The following HSF2BP variants were observed in gnomAD, a reference collection of about 807,000 sequenced individuals.
HSF2BP encodes the protein heat shock factor 2-binding protein.
A neutral mutation model predicts 35.0 loss-of-function variants in HSF2BP; 35 were observed. That is an observed-to-expected ratio of 1.00 (90% CI 0.76 to 1.32). The LOEUF (loss-of-function observed/expected upper bound fraction) is 1.32. Among genes scored for constraint, HSF2BP ranks in the 40% most tolerant of loss-of-function variants. HSF2BP has a pLI of 0.00. For synonymous variants in HSF2BP, 114 were observed against 117.4 expected (o/e 0.97, Z 0.18); for missense variants, 326 against 321.7 (o/e 1.01, Z -0.10).
At chr21:43,573,969 A>G (rs2081608230) in intron 8 of HSF2BP, among the ~76,000 whole-genome samples, 1 of 152,208 alleles carries the variant, frequency 6.6e-6, no homozygotes, top group African/African-American at 2.4e-5. Flanking sequence ...AGAGCATCCC[A>G]GTCACTAGTG....
intron 6 of HSF2BP, among the ~76,000 whole-genome samples, chr21:43,615,312 C>G (rs2082257185): frequency 2.6e-5 from 4 of 152,056 alleles, no homozygotes; most frequent in African/African-American, 9.7e-5. Context: ...TGGTAGATAC[C>G]CTTTATCAGT....
At chr21:43,616,052 A>AATATAT (rs1555868378) in intron 6 of HSF2BP, among the ~76,000 whole-genome samples, 98 of 144,006 alleles carry the variant, frequency 6.8e-4, no homozygotes, top group African/African-American at 2.4e-3. Context: ...AAAAAAAAAA[A>AATATAT]ATATATATAT....
intron 6 of HSF2BP, among the ~76,000 whole-genome samples, chr21:43,623,386 T>C (rs2082353213): frequency 6.6e-6 from 1 of 151,956 alleles, no homozygotes; most frequent in Non-Finnish European, 1.5e-5. Context: ...AACAATCTAA[T>C]GATGCACCAA....
At chr21:43,583,788 GGAGATGAGGACCTGCTGAGA>G (rs2081802500) in intron 8 of HSF2BP, among the ~76,000 whole-genome samples, 1 of 142,374 alleles carries the variant, frequency 7.0e-6, no homozygotes, top group Non-Finnish European at 1.5e-5. Context: ...GCCTGCTGAG[GGAGATGAGGACCTGCTGAGA>G]GAGATGAAGG....
chr21:43,611,668 A>G (rs762565963), intron 7 of HSF2BP, among the ~76,000 whole-genome samples: 25 of 152,202 alleles, frequency 1.6e-4, no homozygotes, highest in Non-Finnish European at 2.9e-4. Flanking sequence ...GCAACCAAGC[A>G]CGGTAGCAGT....
chr21:43,617,858 G>A (rs968723468), intron 6 of HSF2BP, among the ~76,000 whole-genome samples: 1 of 152,088 alleles, frequency 6.6e-6, no homozygotes, highest in African/African-American at 2.4e-5. Flanking sequence ...AGAGGCTGAG[G>A]CAGAAGAATC....
intron 8 of HSF2BP, among the ~76,000 whole-genome samples, chr21:43,591,999 T>C (rs1454801011): frequency 1.3e-5 from 2 of 152,208 alleles, no homozygotes; most frequent in Non-Finnish European, 2.9e-5. Flanking sequence ...CTTATTATTA[T>C]AATTGTTCTA....
At chr21:43,603,376 G>A (rs778022633) in intron 7 of HSF2BP, among the ~76,000 whole-genome samples, 23 of 152,210 alleles carry the variant, frequency 1.5e-4, no homozygotes, top group Non-Finnish European at 2.2e-4. Context: ...ATGGACTGAG[G>A]TGGTGACGAA....
chr21:43,625,188 T>C (rs1225243500), intron 6 of HSF2BP, among the ~76,000 whole-genome samples: 1 of 152,044 alleles, frequency 6.6e-6, no homozygotes. Context: ...GGAGAGATAA[T>C]TTACCAAAAT....
intron 6 of HSF2BP, among the ~76,000 whole-genome samples, chr21:43,616,034 C>T (rs1418564979): frequency 1.9e-5 from 2 of 103,122 alleles, no homozygotes; most frequent in Non-Finnish European, 3.9e-5. Context: ...ACTAATACAT[C>T]GCTGAAGAAA....
intron 4 of HSF2BP, among the ~76,000 whole-genome samples, chr21:43,639,847 G>A (rs2082612569): frequency 6.6e-6 from 1 of 152,024 alleles, no homozygotes; most frequent in African/African-American, 2.4e-5. Flanking sequence ...TGTTACTAGT[G>A]TCTTTATCAG....
At chr21:43,651,596 T>C (rs1165923575) in intron 3 of HSF2BP, among the ~76,000 whole-genome samples, 1 of 152,210 alleles carries the variant, frequency 6.6e-6, no homozygotes, top group Non-Finnish European at 1.5e-5. Flanking sequence ...TAATTTCCAG[T>C]TGACTCTCAT....
chr21:43,644,192 A>C (rs1270051169), intron 4 of HSF2BP, 97 bp downstream of exon 4: 2 of 790,108 alleles, frequency 2.5e-6, no homozygotes, highest in East Asian at 4.9e-5. Context: ...TTGAGGATTA[A>C]GAGTAAAAAA....
chr21:43,594,434 G>A (rs2838326), intron 7 of HSF2BP, among the ~76,000 whole-genome samples: 85,006 of 152,040 alleles, frequency 0.56, 24,171 homozygotes, highest in East Asian at 0.7. Context: ...AATCCAGGAT[G>A]TAAGTATTAG....
chr21:43,618,570 A>T (rs2082296483), intron 6 of HSF2BP, among the ~76,000 whole-genome samples: 1 of 152,196 alleles, frequency 6.6e-6, no homozygotes, highest in Non-Finnish European at 1.5e-5. Flanking sequence ...CCACATGCAA[A>T]GGAAGGAAGT....
intron 8 of HSF2BP, among the ~76,000 whole-genome samples, chr21:43,578,587 G>A (rs1473509740): frequency 1.3e-5 from 2 of 152,184 alleles, no homozygotes; most frequent in Admixed American, 6.5e-5. Context: ...ATGCTGCGAC[G>A]AGCTCGGCAC....
intron 8 of HSF2BP, among the ~76,000 whole-genome samples, chr21:43,572,693 A>T (rs547085576): frequency 1.3e-5 from 2 of 152,310 alleles, no homozygotes; most frequent in South Asian, 4.1e-4. Flanking sequence ...CTAACCAATG[A>T]TGTCTGGCAA....
chr21:43,594,889 A>C (rs1601636104), intron 7 of HSF2BP, among the ~76,000 whole-genome samples: 1 of 152,374 alleles, frequency 6.6e-6, no homozygotes, highest in East Asian at 1.9e-4. Context: ...TAAAAGGCAT[A>C]GATTATAGAT....
chr21:43,633,121 T>G, intron 5 of HSF2BP, 151 bp downstream of exon 5: 2 of 761,808 alleles, frequency 2.6e-6, no homozygotes, highest in Non-Finnish European at 4.1e-6. Context: ...CAATGAACCA[T>G]ATACGATAAG....
Sources: gnomAD v4.1 joint callset for allele counts (sites outside exome capture counted in the v4.1 genomes callset) on GRCh38, gnomAD v4.1.1 for gene constraint, MANE v1.5 for transcripts, NCBI Gene and HGNC (gene_info 2026-07-23, HGNC 2026-07-21) for gene names.